GARNL3: variants seen among roughly 807,000 people sequenced by gnomAD.
GARNL3 encodes the protein GTPase-activating Rap/Ran-GAP domain-like protein 3.
A neutral mutation model predicts 125.0 loss-of-function variants in GARNL3; 63 were observed. That is an observed-to-expected ratio of 0.50 (90% CI 0.41 to 0.62). GARNL3 has a LOEUF of 0.62. Ranked by LOEUF, GARNL3 falls within the 20% of genes least tolerant of loss-of-function variation. GARNL3 has a pLI of 0.00. For missense variants in GARNL3, 994 were observed against 1,244.0 expected, an observed-to-expected ratio of 0.80 and a Z score of 3.02; for synonymous variants, 439 against 457.5, an observed-to-expected ratio of 0.96 and a Z score of 0.52.
chr9:127,244,958 C>T (rs560709903), intron 2 of GARNL3, among the ~76,000 whole-genome samples: 1 of 152,226 alleles, frequency 6.6e-6, no homozygotes, highest in East Asian at 1.9e-4. Flanking sequence ...ACCCGGTAGT[C>T]TCGCGGGTCC....
chr9:127,330,609 T>C (rs1829169833), intron 7 of GARNL3, among the ~76,000 whole-genome samples: 1 of 152,128 alleles, frequency 6.6e-6, no homozygotes, highest in South Asian at 2.1e-4. Context: ...ATACGCAAGT[T>C]CAATAAAAGA....
intron 7 of GARNL3, 148 bp downstream of exon 7, chr9:127,325,243 T>A (rs2065532669): frequency 1.4e-6 from 1 of 702,682 alleles, no homozygotes; most frequent in Non-Finnish European, 2.4e-6. Flanking sequence ...AAGAACTTAC[T>A]GGCATGTATT....
intron 1 of GARNL3, among the ~76,000 whole-genome samples, chr9:127,284,782 C>T (rs1212680114): frequency 6.8e-6 from 1 of 146,032 alleles, no homozygotes; most frequent in African/African-American, 2.5e-5. Context: ...TTTATACATG[C>T]ATATATACAT....
At chr9:127,348,528 T>A (rs1203201092) in intron 16 of GARNL3, among the ~76,000 whole-genome samples, 1 of 152,236 alleles carries the variant, frequency 6.6e-6, no homozygotes, top group East Asian at 1.9e-4. Context: ...CTGACTTTTT[T>A]ATAGAATTAT....
intron 2 of GARNL3, chr9:127,300,858 C>G (rs1224530821): frequency 9.2e-6 from 3 of 327,738 alleles, no homozygotes; most frequent in South Asian, 2.6e-5. Context: ...TTTACAGTAG[C>G]CTGTTGGTAA....
At chr9:127,313,303 G>C (rs2065144062) in intron 3 of GARNL3, 138 bp from the exon 4 acceptor site, 1 of 715,354 alleles carries the variant, frequency 1.4e-6, no homozygotes, top group African/African-American at 1.7e-5. Context: ...AGAGAGATCA[G>C]GGTCCATCCC....
At chr9:127,270,498 C>G (rs891856504) in intron 1 of GARNL3, among the ~76,000 whole-genome samples, 1 of 152,186 alleles carries the variant, frequency 6.6e-6, no homozygotes, top group Non-Finnish European at 1.5e-5. Flanking sequence ...ATCCTGGTCT[C>G]TGGAACACAC....
At chr9:127,355,873 C>T (rs1034176837) in intron 20 of GARNL3, among the ~76,000 whole-genome samples, 2 of 152,140 alleles carry the variant, frequency 1.3e-5, no homozygotes, top group African/African-American at 4.8e-5. Context: ...GAAAGAATGT[C>T]CCAGGAAGCC....
At chr9:127,381,129 G>C (rs182369441) in intron 22 of GARNL3, among the ~76,000 whole-genome samples, 1,862 of 111,476 alleles carry the variant, frequency 0.017, 42 homozygotes, top group African/African-American at 0.054. Flanking sequence ...CGCCCACCTC[G>C]GCTTCCCAAA....
chr9:127,382,871 G>A (rs562203262), intron 22 of GARNL3, among the ~76,000 whole-genome samples: 48 of 152,246 alleles, frequency 3.2e-4, no homozygotes, highest in African/African-American at 1.1e-3. Flanking sequence ...GGGGTATCTG[G>A]CTCCCACCAT....
intron 21 of GARNL3, among the ~76,000 whole-genome samples, chr9:127,358,405 C>CT (rs1830801715): frequency 6.6e-6 from 1 of 152,236 alleles, no homozygotes; most frequent in Non-Finnish European, 1.5e-5. Flanking sequence ...CCCAGGGAGA[C>CT]TAACTCCTAG....
intron 2 of GARNL3, among the ~76,000 whole-genome samples, chr9:127,296,918 AG>A (rs2064615126): frequency 6.6e-6 from 1 of 151,994 alleles, no homozygotes; most frequent in South Asian, 2.1e-4. Context: ...CCGATCCTGC[AG>A]CTATCTAGGA....
upstream of GARNL3, among the ~76,000 whole-genome samples, chr9:127,261,666 G>A (rs889163430): frequency 5.9e-5 from 9 of 152,048 alleles, no homozygotes; most frequent in African/African-American, 2.2e-4. Flanking sequence ...GCCCCCTTCG[G>A]CCTCCCAAAG....
At chr9:127,323,765 A>G (rs566069512) in intron 6 of GARNL3, among the ~76,000 whole-genome samples, 1 of 151,806 alleles carries the variant, frequency 6.6e-6, no homozygotes, top group South Asian at 2.1e-4. Context: ...CCCCATAAAT[A>G]TATATATATA....
At chr9:127,296,664 G>T (rs980813557) in intron 2 of GARNL3, among the ~76,000 whole-genome samples, 6 of 151,792 alleles carry the variant, frequency 4.0e-5, no homozygotes, top group African/African-American at 1.5e-4. Context: ...TAGAGACAGG[G>T]TTTCACATGT....
At chr9:127,344,594 G>T (rs954490678) in intron 15 of GARNL3, among the ~76,000 whole-genome samples, 1 of 152,192 alleles carries the variant, frequency 6.6e-6, no homozygotes, top group Non-Finnish European at 1.5e-5. Context: ...ACAGGGCCCA[G>T]CTCTGGGCCC....
At chr9:127,344,740 A>T (rs1830047767) in intron 15 of GARNL3, among the ~76,000 whole-genome samples, 1 of 152,156 alleles carries the variant, frequency 6.6e-6, no homozygotes, top group African/African-American at 2.4e-5. Flanking sequence ...CTCACAGAAG[A>T]CTTGAATTAC....
intron 26 of GARNL3, among the ~76,000 whole-genome samples, chr9:127,390,062 C>T (rs138884203): frequency 6.6e-6 from 1 of 151,514 alleles, no homozygotes; most frequent in African/African-American, 2.4e-5. Context: ...ATGGAAGTGA[C>T]ATGTTAAACC....
intron 7 of GARNL3, among the ~76,000 whole-genome samples, chr9:127,331,564 C>A (rs564629331): frequency 6.6e-6 from 1 of 151,862 alleles, no homozygotes; most frequent in East Asian, 1.9e-4. Flanking sequence ...GATTGAGTCC[C>A]TGTTTACGCC....
Sources: gnomAD v4.1 joint callset for allele counts (sites outside exome capture counted in the v4.1 genomes callset) on GRCh38, gnomAD v4.1.1 for gene constraint, MANE v1.5 for transcripts, NCBI Gene and HGNC (gene_info 2026-07-23, HGNC 2026-07-21) for gene names.